LRRC74B: variants seen among roughly 807,000 people sequenced by gnomAD.
LRRC74B encodes the protein leucine-rich repeat-containing protein 74B.
A neutral mutation model predicts 16.6 loss-of-function variants in LRRC74B; 30 were observed. That is an observed-to-expected ratio of 1.80 (90% CI 1.35 to 2.45). The LOEUF (loss-of-function observed/expected upper bound fraction) is 2.45. Among genes scored for constraint, LRRC74B ranks in the 30% most tolerant of loss-of-function variants. The pLI is 0.00. For missense variants in LRRC74B, 326 were observed against 202.4 expected, an observed-to-expected ratio of 1.61 and a Z score of -3.71; for synonymous variants, 134 against 86.0, an observed-to-expected ratio of 1.56 and a Z score of -3.09.
chr22:21,057,295 A>G (rs1930592261), intron 8 of LRRC74B, 95 bp downstream of exon 8: 2 of 666,664 alleles, frequency 3.0e-6, no homozygotes, highest in East Asian at 5.5e-5. Flanking sequence ...ACAGAAATCA[A>G]GAGCCCTGCC....
chr22:21,062,163 T>A (rs1930839491), downstream of LRRC74B: 1 of 152,176 alleles, frequency 6.6e-6, no homozygotes, highest in African/African-American at 2.4e-5. Context: ...TGCAAATCTA[T>A]ACAGACAGAA....
At chr22:21,060,621 C>G (rs969667987), downstream of LRRC74B, 1 of 629,332 alleles carries the variant, frequency 1.6e-6, no homozygotes, top group African/African-American at 1.8e-5. Context: ...CCACTTGTGT[C>G]TGCACTGAGT....
chr22:21,057,926 C>A (rs570822621), intron 8 of LRRC74B, among the ~76,000 whole-genome samples: 1 of 150,740 alleles, frequency 6.6e-6, no homozygotes, highest in Non-Finnish European at 1.5e-5. Context: ...CACTCTGTCG[C>A]CCAGGCTGGA....
chr22:21,047,532 G>C (rs745993399), intron 2 of LRRC74B, 34 bp downstream of exon 2: 2 of 715,140 alleles, frequency 2.8e-6, no homozygotes, highest in South Asian at 1.5e-5. Context: ...CCAGGCTTAC[G>C]GGGAGAGGCC....
downstream of LRRC74B, chr22:21,061,584 C>G (rs1385291638): frequency 2.0e-5 from 3 of 152,136 alleles, no homozygotes; most frequent in African/African-American, 4.8e-5. Context: ...ATTGCTTGAG[C>G]TCAGGAGTTG....
rs1437976278 is a variant in LRRC74B, at chr22:21,047,864, G to A, written c.283-20G>A. 5 of 717,004 alleles carry A rather than the reference G, an allele frequency of 7.0e-6. No individual in the cohort carries two copies. Among genetic ancestry groups the A allele is most frequent in the Non-Finnish European group, 1.3e-5 (5 of 384,984 alleles). 44.4% of individuals were successfully genotyped at this position (717,004 alleles called of 1,614,324 possible). A position where few individuals can be genotyped will look rare whatever the true frequency, so the allele number is the denominator to read the frequency against. ...CATGAGCCAGGATAGTGGCCAGTGTGTTTGCTCTGTCTGTCCCAGGGCGCC... is the reference window on the plus strand; with the variant it reads ...CATGAGCCAGGATAGTGGCCAGTGTATTTGCTCTGTCTGTCCCAGGGCGCC... On this transcript the variant is annotated intron_variant, in intron 2 of 8. Coordinates refer to ENST00000442047, the Ensembl canonical transcript of LRRC74B.
chr22:21,061,680 C>G (rs1202916443), downstream of LRRC74B: 1 of 152,210 alleles, frequency 6.6e-6, no homozygotes, highest in East Asian at 1.9e-4. Flanking sequence ...TCCTCAAAAG[C>G]TTAATCATAG....
intron 3 of LRRC74B, chr22:21,048,639 G>C (rs1464045382): frequency 2.5e-6 from 1 of 395,826 alleles, no homozygotes; most frequent in Non-Finnish European, 4.7e-6. Context: ...GAGGGCTTCT[G>C]AAGTGGGTGG....
At position 21,048,437 on chromosome 22, in the gene LRRC74B, C is replaced by T. The variant is rs12168111; in HGVS notation, c.415+421C>T. Reference sequence around the variant, plus strand: ...GCCACTGAAGAGCTGGATACCTGGGCAAGCAGCTTAACCTCTCTGAGCTTC... The same window carrying T: ...GCCACTGAAGAGCTGGATACCTGGGTAAGCAGCTTAACCTCTCTGAGCTTC... On this transcript the variant is annotated intron_variant, in intron 3 of 8. Transcript: ENST00000442047. 0.064 allele frequency: 17,415 copies of T among 273,092 alleles called. 675 individuals are homozygous for T. The highest frequency in any genetic ancestry group is 0.08 in the Non-Finnish European group (11,095 of 139,008). The allele number at this position is 273,092 out of a possible 1,614,324, so 16.9% of individuals were successfully genotyped here.
intron 8 of LRRC74B, among the ~76,000 whole-genome samples, chr22:21,058,134 C>T (rs1456327074): frequency 6.6e-6 from 1 of 151,158 alleles, no homozygotes; most frequent in Non-Finnish European, 1.5e-5. Context: ...CTCCTGACCT[C>T]AGGTGATCCA....
chr22:21,047,531 C>G (rs5997221), intron 2 of LRRC74B, 33 bp downstream of exon 2: 2 of 714,846 alleles, frequency 2.8e-6, no homozygotes, highest in Non-Finnish European at 5.2e-6. Flanking sequence ...TCCAGGCTTA[C>G]GGGGAGAGGC....
At chr22:21,061,066 A>C (rs1930785417), downstream of LRRC74B, among the ~76,000 whole-genome samples, 1 of 152,192 alleles carries the variant, frequency 6.6e-6, no homozygotes, top group Admixed American at 6.5e-5. Flanking sequence ...GGTGGCTCAC[A>C]CTTGTAATCC....
intron 1 of LRRC74B, 127 bp downstream of exon 1, chr22:21,046,252 C>A: frequency 1.6e-6 from 1 of 612,200 alleles, no homozygotes; most frequent in South Asian, 1.9e-5. Context: ...CTCCAGCCCC[C>A]TGCCTTCCCT....
At chr22:21,057,309 T>C (rs46148) in intron 8 of LRRC74B, 109 bp downstream of exon 8, 617,328 of 645,864 alleles carry the variant, frequency 0.96, 295,291 homozygotes, top group East Asian at 0.99. Flanking sequence ...CCCTGCCCAG[T>C]TACACAGCGT....
rs1335250732 is a variant in LRRC74B at position 21,055,616 on chromosome 22, G to A, written c.927+440G>A. ...GTGCTGAGCAGGACAGGGAGCAGAA[G>A]ACAGACACAGGAGGGAGGCAAGCCG... On this transcript the variant is annotated intron_variant, in intron 7 of 8. Coordinates refer to ENST00000442047, the Ensembl canonical transcript of LRRC74B. Among the ~76,000 whole-genome samples, 4 of 152,306 alleles carry A rather than the reference G, an allele frequency of 2.6e-5. No individual in the cohort carries two copies. The East Asian group carries it at 5.8e-4, about 22-fold the overall frequency.
At chr22:21,063,375 C>T (rs1452898284), downstream of LRRC74B, 7 of 152,128 alleles carry the variant, frequency 4.6e-5, 1 homozygote, top group Middle Eastern at 0.017. Flanking sequence ...ATGTGAGGCA[C>T]GCAGAATTTA....
In LRRC74B at chr22:21,048,017, G is replaced by GT. The variant is rs1223920070; in HGVS notation, c.415+2dup. 2.1e-5 allele frequency: 15 copies of GT among 717,286 alleles called. No individual in the cohort carries two copies. Among genetic ancestry groups the GT allele is most frequent in the Middle Eastern group, 2.3e-4 (1 of 4,394 alleles). The allele number at this position is 717,286 out of a possible 1,614,324, so 44.4% of individuals were successfully genotyped here. ...CTGAGCAAAAGCAGCAGCATCCATG[G>GT]TAGGTGCTGGGTCTGGGGCAGGTGG... is the stretch of plus-strand genomic sequence containing the variant. On this transcript the variant is annotated splice_donor_variant, in intron 3 of 8. Coordinates refer to ENST00000442047, the Ensembl canonical transcript of LRRC74B. LOFTEE classifies it high-confidence loss of function.
chr22:21,063,176 T>G (rs1930895390), downstream of LRRC74B: 2 of 151,990 alleles, frequency 1.3e-5, no homozygotes, highest in Non-Finnish European at 1.5e-5. Context: ...AGTGAAATCC[T>G]GTCTAAAAAA....
chr22:21,049,824 A>G (rs9625422), intron 4 of LRRC74B, among the ~76,000 whole-genome samples: 10,151 of 152,044 alleles, frequency 0.067, 382 homozygotes, highest in Non-Finnish European at 0.081. Context: ...CCTTGATCTC[A>G]TCACTGTCAT....
Sources: allele counts gnomAD v4.1 joint callset (sites outside exome capture counted in the v4.1 genomes callset), GRCh38; gene constraint gnomAD v4.1.1; transcripts MANE v1.5; gene names NCBI Gene and HGNC (gene_info 2026-07-23, HGNC 2026-07-21).